The following POTEJ variants were observed in gnomAD, a reference collection of about 807,000 sequenced individuals.
The protein encoded by POTEJ is POTE ankyrin domain family, member J.
POTEJ carries 11 observed loss-of-function variants against 69.0 expected under a neutral mutation model. That is an observed-to-expected ratio of 0.16 (90% CI 0.10 to 0.26). The LOEUF is 0.26. POTEJ is among the 10% of genes least tolerant of loss of function. The probability of loss-of-function intolerance (pLI) is 1.00; values close to 1 mark genes in which losing one functional copy is unlikely to be tolerated. For synonymous variants in POTEJ, 117 were observed against 381.1 expected, an observed-to-expected ratio of 0.31 and a Z score of 8.07; for missense variants, 327 against 1,045.5, an observed-to-expected ratio of 0.31 and a Z score of 9.48.
chr2:130,626,715 T>C (rs1685720787), intron 6 of POTEJ, among the ~76,000 whole-genome samples: 1 of 152,174 alleles, frequency 6.6e-6, no homozygotes, highest in South Asian at 2.1e-4. Flanking sequence ...TCAGCTATAG[T>C]TTCCTTGTCA....
chr2:130,623,198 A>C (rs1685596379), intron 5 of POTEJ, among the ~76,000 whole-genome samples: 1 of 83,630 alleles, frequency 1.2e-5, no homozygotes, highest in Non-Finnish European at 2.3e-5. Context: ...ATAAAAGTAG[A>C]CTTTTGGTCT....
intron 10 of POTEJ, among the ~76,000 whole-genome samples, chr2:130,640,683 C>G (rs1686324687): frequency 6.6e-6 from 1 of 151,872 alleles, no homozygotes; most frequent in Non-Finnish European, 1.5e-5. Context: ...TAGAAGCATG[C>G]AAGGGGCTTC....
chr2:130,625,353 C>G (rs1485425079), intron 6 of POTEJ, among the ~76,000 whole-genome samples: 3 of 152,072 alleles, frequency 2.0e-5, no homozygotes, highest in African/African-American at 7.3e-5. Flanking sequence ...AGACCACAAA[C>G]AATTAAAAAT....
intron 9 of POTEJ, among the ~76,000 whole-genome samples, chr2:130,636,323 G>A (rs1362262879): frequency 6.6e-6 from 1 of 152,006 alleles, no homozygotes; most frequent in African/African-American, 2.4e-5. Context: ...GAGCATACAA[G>A]GAATGCTCTC....
At chr2:130,624,841 G>T (rs1685645431) in intron 6 of POTEJ, among the ~76,000 whole-genome samples, 1 of 152,212 alleles carries the variant, frequency 6.6e-6, no homozygotes, top group Non-Finnish European at 1.5e-5. Context: ...GTTGGAAAGA[G>T]ATATATTTAC....
chr2:130,630,639 G>A (rs1685862853), intron 7 of POTEJ, among the ~76,000 whole-genome samples: 1 of 141,434 alleles, frequency 7.1e-6, no homozygotes, highest in Non-Finnish European at 1.5e-5. Context: ...GGTCATAAAA[G>A]CAACACAGCT....
chr2:130,613,273 T>C (rs1405677025), intron 1 of POTEJ, among the ~76,000 whole-genome samples: 1 of 60,692 alleles, frequency 1.6e-5, no homozygotes, highest in African/African-American at 2.0e-4. Flanking sequence ...TACATATATA[T>C]ACATATGTAT....
Position 130,646,459 on chromosome 2 carries a change from A to C in POTEJ, c.1667+149A>C. On this transcript the variant is annotated intron_variant, in intron 13 of 14. Coordinates refer to ENST00000409602, the MANE Select transcript of POTEJ (RefSeq NM_001277083.2). ...TCAGAAAAATGAAAATCAGCAAACA[A>C]TCAGTTACCGTTTTTTTTCCAGTCG... 7 of 920,692 alleles carry C rather than the reference A, an allele frequency of 7.6e-6. 1 individual carries two copies. In the South Asian group the frequency reaches 1.3e-4, roughly 17 times the overall value. 57.0% of individuals were successfully genotyped at this position (920,692 alleles called of 1,614,324 possible).
At chr2:130,625,612 C>T (rs537936468) in intron 6 of POTEJ, among the ~76,000 whole-genome samples, 981 of 148,218 alleles carry the variant, frequency 6.6e-3, no homozygotes, top group African/African-American at 0.024. Flanking sequence ...GAACATGCAG[C>T]GAGGTCGTGT....
chr2:130,618,831 G>A (rs965872632), intron 3 of POTEJ, among the ~76,000 whole-genome samples: 3 of 115,230 alleles, frequency 2.6e-5, no homozygotes, highest in African/African-American at 4.0e-5. Context: ...TCCCAGGCTG[G>A]AATGCAGTGG....
intron 9 of POTEJ, among the ~76,000 whole-genome samples, chr2:130,637,377 C>T (rs1248282528): frequency 2.1e-4 from 31 of 150,796 alleles, no homozygotes; most frequent in South Asian, 8.3e-4. Flanking sequence ...AGTGCAGTGG[C>T]GCGATCTCAG....
In POTEJ at chr2:130,641,618, C is replaced by T. The variant is rs865974942; in HGVS notation, c.1370-2365C>T. On this transcript the variant is annotated intron_variant, in intron 10 of 14. Transcript: ENST00000409602. ...ATGATGTACAGGTTTCCAGATTGTACACTAGTATTTAACCTGGACATGAGG... is the reference window on the plus strand; with the variant it reads ...ATGATGTACAGGTTTCCAGATTGTATACTAGTATTTAACCTGGACATGAGG... 1.2e-4 allele frequency among the ~76,000 whole-genome samples: 18 copies of T among 151,608 alleles called. No homozygotes were observed. In the South Asian group the frequency reaches 1.2e-3, roughly 11 times the overall value.
chr2:130,649,401 G>C (rs1207322907), intron 13 of POTEJ, among the ~76,000 whole-genome samples: 1 of 152,238 alleles, frequency 6.6e-6, no homozygotes, highest in African/African-American at 2.4e-5. Context: ...TAATCTCTCA[G>C]TAAATCTTGT....
In POTEJ at chr2:130,657,487, G is replaced by A. The variant is rs575523013; in HGVS notation, c.2727G>A (p.Gln909=). The A allele has an allele frequency of 7.1e-5, 111 of 1,571,558 alleles. 8 individuals carry two copies. In the Middle Eastern group the frequency reaches 1.2e-3, roughly 18 times the overall value. The change falls in exon 15 of 15, where the codon CAG becomes CAA. Residue 909 remains glutamine, a synonymous_variant. Transcript: ENST00000409602. ...LEKSYELPDG[Q]VITISNEWFR... is the part of the protein sequence containing the mutation. Reference sequence around the variant, plus strand: ...AGAGCTACGAGCTGCCCGATGGCCAGGTCATCACCATCAGCAACGAGTGGT... The same window carrying A: ...AGAGCTACGAGCTGCCCGATGGCCAAGTCATCACCATCAGCAACGAGTGGT...
At chr2:130,641,267 T>A (rs556802042) in intron 10 of POTEJ, among the ~76,000 whole-genome samples, 11 of 152,278 alleles carry the variant, frequency 7.2e-5, no homozygotes, top group South Asian at 2.1e-4. Context: ...TCAGCTATAG[T>A]TTCCATGTCA....
At chr2:130,635,434 T>G (rs1573983448) in intron 9 of POTEJ, among the ~76,000 whole-genome samples, 2 of 125,898 alleles carry the variant, frequency 1.6e-5, no homozygotes, top group Middle Eastern at 8.0e-3. Context: ...CACAAAGTGT[T>G]GGGATTACAG....
At chr2:130,633,064 C>T (rs1330156209) in intron 9 of POTEJ, among the ~76,000 whole-genome samples, 1 of 145,292 alleles carries the variant, frequency 6.9e-6, no homozygotes, top group Non-Finnish European at 1.5e-5. Flanking sequence ...CAAGTAGACC[C>T]TGGTGCCTGT....
chr2:130,626,757 A>G (rs1355625203), intron 6 of POTEJ, among the ~76,000 whole-genome samples: 3 of 152,164 alleles, frequency 2.0e-5, no homozygotes, highest in Non-Finnish European at 2.9e-5. Context: ...ATGTATTACA[A>G]GGTTTTCACC....
intron 13 of POTEJ, among the ~76,000 whole-genome samples, chr2:130,650,099 AG>A (rs1423152535): frequency 6.6e-6 from 1 of 152,280 alleles, no homozygotes; most frequent in East Asian, 1.9e-4. Context: ...GGAACATACC[AG>A]GGATGCTCTC....
Sources: allele counts gnomAD v4.1 joint callset (sites outside exome capture counted in the v4.1 genomes callset), GRCh38; gene constraint gnomAD v4.1.1; transcripts MANE v1.5; gene names NCBI Gene and HGNC (gene_info 2026-07-23, HGNC 2026-07-21).